CNPY2: variants seen among roughly 807,000 people sequenced by gnomAD.
The protein encoded by CNPY2 is canopy FGF signaling regulator 2.
A neutral mutation model predicts 25.5 loss-of-function variants in CNPY2; 19 were observed. That is an observed-to-expected ratio of 0.74 (90% CI 0.52 to 1.09). The LOEUF (loss-of-function observed/expected upper bound fraction) is 1.09. Ranked by LOEUF, CNPY2 falls within the 50% of genes least tolerant of loss-of-function variation. CNPY2 has a pLI of 0.00. For synonymous variants in CNPY2, 82 were observed against 85.0 expected (o/e 0.96, Z 0.19); for missense variants, 214 against 233.6 (o/e 0.92, Z 0.55).
In CNPY2 at chr12:56,310,612, A is replaced by G. The variant is rs1873688858; in HGVS notation, c.506-17T>C. The G allele has an allele frequency of 6.2e-7, 1 of 1,614,068 alleles. No homozygotes were observed. The highest frequency in any genetic ancestry group is 8.5e-7 in the Non-Finnish European group (1 of 1,179,904). ...CACAAAGATCTGCAAATGGCAAACA[A>G]TTTAAAGGAATATGCCATTCTCATA... On this transcript the variant is annotated splice_polypyrimidine_tract_variant and intron_variant, in intron 5 of 5. Transcript: ENST00000273308.
chr12:56,314,345 A>G (rs1873815310), intron 3 of CNPY2: 1 of 792,072 alleles, frequency 1.3e-6, no homozygotes. Context: ...TAACTTTTGC[A>G]TTTTTTTGTA....
chr12:56,314,239 C>T (rs528756129), intron 3 of CNPY2, among the ~76,000 whole-genome samples: 160 of 152,044 alleles, frequency 1.1e-3, no homozygotes, highest in Admixed American at 4.0e-3. Flanking sequence ...GGCACAATCA[C>T]GGCTTACTGC....
At position 56,310,501 on chromosome 12, in the gene CNPY2, T is replaced by A; in HGVS notation, c.*51A>T. On this transcript the variant is annotated 3_prime_UTR_variant, in exon 6 of 6. Coordinates refer to ENST00000273308, the MANE Select transcript of CNPY2 (RefSeq NM_014255.7). ...AATATATAAAAGGCATTGCCACCAT[T>A]TTCCCCTCCTGGGGGTGATCCATCA... 1 of 1,588,152 alleles carries A rather than the reference T, an allele frequency of 6.3e-7. No homozygotes were observed. The highest frequency in any genetic ancestry group is 8.6e-7 in the Non-Finnish European group (1 of 1,156,740).
intron 3 of CNPY2, among the ~76,000 whole-genome samples, chr12:56,312,094 G>A (rs1873734277): frequency 6.6e-6 from 1 of 151,894 alleles, no homozygotes; most frequent in Non-Finnish European, 1.5e-5. Flanking sequence ...TAGCCAGGAT[G>A]GTCTCGATCT....
chr12:56,315,512 G>A (rs2135938669), intron 1 of CNPY2, among the ~76,000 whole-genome samples: 1 of 152,332 alleles, frequency 6.6e-6, no homozygotes, highest in South Asian at 2.1e-4. Flanking sequence ...TGGTACTTTA[G>A]CACTGCATGC....
chr12:56,314,669 T>G, intron 3 of CNPY2, 182 bp downstream of exon 3: 1 of 1,452,198 alleles, frequency 6.9e-7, no homozygotes, highest in Non-Finnish European at 9.0e-7. Flanking sequence ...AGTATTAAGG[T>G]TTGCAGCCAG....
At chr12:56,313,065 G>A (rs1873768992) in intron 3 of CNPY2, among the ~76,000 whole-genome samples, 1 of 152,092 alleles carries the variant, frequency 6.6e-6, no homozygotes, top group East Asian at 1.9e-4. Context: ...ATGTGCCATG[G>A]TGGTTTGCTA....
Position 56,314,924 on chromosome 12 carries a change from T to C in CNPY2, c.131A>G (p.Gln44Arg). The C allele has an allele frequency of 1.2e-6, 2 of 1,614,214 alleles. No individual in the cohort carries two copies. The highest frequency in any genetic ancestry group is 1.7e-6 in the Non-Finnish European group (2 of 1,180,038). The change falls in exon 3 of 6, where the codon CAG becomes CGG. Residue 44 changes from glutamine (Q) to arginine (R), a missense_variant. Physicochemically the swap from Gln to Arg is conservative, Grantham distance 43. Transcript: ENST00000273308. Reference protein sequence around the residue: ...LVDELEWEIAQVDPKKTIQMG... With the variant: ...LVDELEWEIARVDPKKTIQMG... ...CTGAATGGTCTTCTTGGGGTCCACCTGGGCAATTTCCCATTCTAGTTCATC... is the reference window on the plus strand; with the variant it reads ...CTGAATGGTCTTCTTGGGGTCCACCCGGGCAATTTCCCATTCTAGTTCATC...
chr12:56,311,546 T>TTTTG (rs920554482), intron 3 of CNPY2, 132 bp from the exon 4 acceptor site: 5 of 952,148 alleles, frequency 5.3e-6, no homozygotes, highest in Admixed American at 4.0e-5. Flanking sequence ...TTTTAATTAG[T>TTTTG]TTTGTTTGTT....
Position 56,315,832 on chromosome 12 carries a change from G to A in CNPY2, c.-37C>T, listed in dbSNP as rs1009863298. ...CGCATCCGTCCCACCTCTGCTCCCA[G>A]GGCCGCCGCCGTGGCCCAAGCGCTG... On this transcript the variant is annotated 5_prime_UTR_variant, in exon 1 of 6. Coordinates refer to ENST00000273308, the MANE Select transcript of CNPY2 (RefSeq NM_014255.7). 6.4e-6 allele frequency: 1 copy of A among 155,392 alleles called. No individual in the cohort carries two copies. The highest frequency in any genetic ancestry group is 2.4e-5 in the African/African-American group (1 of 41,472). 9.6% of individuals were successfully genotyped at this position (155,392 alleles called of 1,614,324 possible).
chr12:56,314,398 T>A, intron 3 of CNPY2: 1 of 1,016,368 alleles, frequency 9.8e-7, no homozygotes, highest in Non-Finnish European at 1.2e-6. Flanking sequence ...CACTGTAATC[T>A]TAACACTGCC....
Position 56,311,641 on chromosome 12 carries a change from TC to T in CNPY2, c.205-228del, listed in dbSNP as rs530543479. ...ATCTCGGCTTATTGCAACCTCTGCC[TC>T]CTGGGTTCAAGTGATTCTCCTGCCT... is the stretch of plus-strand genomic sequence containing the variant. On this transcript the variant is annotated intron_variant, in intron 3 of 5. Coordinates refer to ENST00000273308, the MANE Select transcript of CNPY2 (RefSeq NM_014255.7). 586 of 514,326 alleles carry T rather than the reference TC, an allele frequency of 1.1e-3. 11 individuals are homozygous for T. The highest frequency in any genetic ancestry group is 0.011 in the South Asian group (574 of 53,230). The allele number at this position is 514,326 out of a possible 1,614,324, so 31.9% of individuals were successfully genotyped here.
chr12:56,310,333 ACT>A lies in CNPY2; in HGVS notation c.*217_*218del, dbSNP rs1873680650. The A allele has an allele frequency of 5.0e-6, 3 of 605,300 alleles. No homozygotes were observed. Among genetic ancestry groups the A allele is most frequent in the Non-Finnish European group, 8.8e-6 (3 of 342,454 alleles). The allele number at this position is 605,300 out of a possible 1,614,324, so 37.5% of individuals were successfully genotyped here. A position where few individuals can be genotyped will look rare whatever the true frequency, so the allele number is the denominator to read the frequency against. ...ACCTTTATCCTGTATCAATCCCAAA[ACT>A]CTTCTTTCTCCTCCATTATCTTTCC... On this transcript the variant is annotated 3_prime_UTR_variant, in exon 6 of 6. Coordinates refer to ENST00000273308, the MANE Select transcript of CNPY2 (RefSeq NM_014255.7).
At chr12:56,314,737 C>CT in intron 3 of CNPY2, 114 bp downstream of exon 3, 7 of 1,559,342 alleles carry the variant, frequency 4.5e-6, no homozygotes, top group Non-Finnish European at 6.1e-6. Context: ...AGAGCCAAAT[C>CT]TTTTTTCTGA....
intron 2 of CNPY2, 66 bp from the exon 3 acceptor site, chr12:56,315,032 T>C: frequency 6.3e-7 from 1 of 1,599,162 alleles, no homozygotes; most frequent in Non-Finnish European, 8.6e-7. Flanking sequence ...GAGAATGGGA[T>C]CAACCCAGGA....
Position 56,309,880 on chromosome 12 carries a change from A to G in CNPY2, c.*672T>C. 2 of 701,872 alleles carry G rather than the reference A, an allele frequency of 2.8e-6. No homozygotes were observed. Among genetic ancestry groups the G allele is most frequent in the Non-Finnish European group, 5.2e-6 (2 of 384,622 alleles). 43.5% of individuals were successfully genotyped at this position (701,872 alleles called of 1,614,324 possible). ...ACACTTTATTGTTGCCACTGGCATCAAATTTAAAAGCTTAGGCTGGCAAGC... is the reference window on the plus strand; with the variant it reads ...ACACTTTATTGTTGCCACTGGCATCGAATTTAAAAGCTTAGGCTGGCAAGC... On this transcript the variant is annotated 3_prime_UTR_variant, in exon 6 of 6. Coordinates refer to ENST00000273308, the MANE Select transcript of CNPY2 (RefSeq NM_014255.7).
At position 56,309,863 on chromosome 12, in the gene CNPY2, T is replaced by C. The variant is rs188497348; in HGVS notation, c.*689A>G. 1.4e-4 allele frequency: 95 copies of C among 701,318 alleles called. No individual in the cohort carries two copies. The highest frequency in any genetic ancestry group is 2.3e-4 in the African/African-American group (13 of 57,386). 43.4% of individuals were successfully genotyped at this position (701,318 alleles called of 1,614,324 possible). On this transcript the variant is annotated 3_prime_UTR_variant, in exon 6 of 6. Coordinates refer to ENST00000273308, the MANE Select transcript of CNPY2 (RefSeq NM_014255.7). ...AATGGCTAGTGATAGATACACTTTA[T>C]TGTTGCCACTGGCATCAAATTTAAA... is the stretch of plus-strand genomic sequence containing the variant.
chr12:56,314,717 C>G, intron 3 of CNPY2, 134 bp downstream of exon 3: 2 of 1,524,890 alleles, frequency 1.3e-6, no homozygotes, highest in South Asian at 2.5e-5. Flanking sequence ...CAGCTTCTTC[C>G]AAATGAGACA....
intron 5 of CNPY2, 92 bp downstream of exon 5, chr12:56,310,866 A>G (rs1873693806): frequency 7.7e-6 from 9 of 1,171,648 alleles, no homozygotes; most frequent in Non-Finnish European, 1.1e-5. Context: ...ACCTAATACC[A>G]GAGGTTTCTG....
Sources: gnomAD v4.1 joint callset for allele counts (sites outside exome capture counted in the v4.1 genomes callset) on GRCh38, gnomAD v4.1.1 for gene constraint, MANE v1.5 for transcripts, NCBI Gene and HGNC (gene_info 2026-07-23, HGNC 2026-07-21) for gene names.